The following SDK1 variants were observed in gnomAD, a reference collection of about 807,000 sequenced individuals.
The protein encoded by SDK1 is protein sidekick-1.
Under a neutral mutation model 245.5 loss-of-function variants are expected in SDK1, and 157 were observed. The ratio of observed to expected loss-of-function variants is 0.64; its 90% confidence interval spans 0.56 to 0.73. The LOEUF is 0.73. Among genes scored for constraint, SDK1 ranks in the 30% least tolerant of loss-of-function variants. SDK1 has a pLI of 0.00. For synonymous variants in SDK1, 1,647 were observed against 1,278.5 expected (o/e 1.29, Z -6.15); for missense variants, 3,583 against 3,002.3 (o/e 1.19, Z -4.52).
intron 22 of SDK1, 152 bp downstream of exon 22, chr7:4,079,736 C>T (rs565112046): frequency 9.3e-6 from 10 of 1,074,394 alleles, no homozygotes; most frequent in African/African-American, 1.6e-5. Flanking sequence ...AGCCCAGATA[C>T]CAGGGCAGAA....
chr7:3,340,453 T>TA (rs1020004517), intron 1 of SDK1, among the ~76,000 whole-genome samples: 15 of 152,086 alleles, frequency 9.9e-5, no homozygotes, highest in African/African-American at 1.9e-4. Context: ...CTTCAATTTG[T>TA]AAAAAAACAA....
intron 1 of SDK1, among the ~76,000 whole-genome samples, chr7:3,421,224 A>G (rs1204366232): frequency 6.6e-6 from 1 of 151,584 alleles, no homozygotes; most frequent in African/African-American, 2.4e-5. Context: ...AGTGTGTGCC[A>G]CCACGCCCAG....
rs113548860 is a variant in SDK1, at chr7:3,348,566, C to T, written c.298+46682C>T. Among the ~76,000 whole-genome samples, 1,005 of 152,190 alleles carry T rather than the reference C, an allele frequency of 6.6e-3. 5 individuals carry two copies. The highest frequency in any genetic ancestry group is 9.9e-3 in the Non-Finnish European group (674 of 68,012). ...ACTACTAGAGCGGGAGGGAGGAAGA[C>T]GCAGGGCGGTGAAAACCTACCTGTT... On this transcript the variant is annotated intron_variant, in intron 1 of 44. Transcript: ENST00000404826.
At chr7:3,958,216 C>A (rs565826737) in intron 7 of SDK1, 3 of 295,858 alleles carry the variant, frequency 1.0e-5, no homozygotes, top group South Asian at 8.1e-5. Context: ...AAATCACCAC[C>A]ACCTTAATAC....
intron 2 of SDK1, among the ~76,000 whole-genome samples, chr7:3,635,609 A>T (rs1351632744): frequency 1.3e-5 from 2 of 152,228 alleles, no homozygotes; most frequent in African/African-American, 4.8e-5. Context: ...AATTGTGGAC[A>T]AGTATTACTG....
In SDK1 at chr7:3,685,317, A is replaced by G. The variant is rs116373404; in HGVS notation, c.713+43212A>G. ...CTGGGAGGAAGTAGCAAATTTTTCA[A>G]TCACCAAAAGAAAAGAACTGTGTAC... On this transcript the variant is annotated intron_variant, in intron 4 of 44. Transcript: ENST00000404826. Among the ~76,000 whole-genome samples the G allele has an allele frequency of 1.3e-3, 193 of 152,194 alleles. 1 individual carries two copies. Among genetic ancestry groups the G allele is most frequent in the African/African-American group, 4.3e-3 (180 of 41,464 alleles).
At chr7:3,464,768 TATTTTTC>T (rs1780942089) in intron 1 of SDK1, among the ~76,000 whole-genome samples, 1 of 151,912 alleles carries the variant, frequency 6.6e-6, no homozygotes, top group Non-Finnish European at 1.5e-5. Context: ...AATTTTGACT[TATTTTTC>T]AGTTCAGTTT....
At chr7:4,120,488 G>T (rs1783986856) in intron 25 of SDK1, among the ~76,000 whole-genome samples, 1 of 149,066 alleles carries the variant, frequency 6.7e-6, no homozygotes, top group South Asian at 2.2e-4. Context: ...GCAAATAACT[G>T]CCAACCTCAA....
chr7:3,470,290 C>G (rs1309556244), intron 1 of SDK1, among the ~76,000 whole-genome samples: 1 of 152,140 alleles, frequency 6.6e-6, no homozygotes, highest in East Asian at 1.9e-4. Context: ...TTACTAGGAG[C>G]AAACCTAACA....
intron 1 of SDK1, among the ~76,000 whole-genome samples, chr7:3,465,994 A>G (rs1780988758): frequency 6.6e-6 from 1 of 152,134 alleles, no homozygotes; most frequent in African/African-American, 2.4e-5. Flanking sequence ...AGTGATAAAG[A>G]TGGACATGGA....
intron 1 of SDK1, among the ~76,000 whole-genome samples, chr7:3,447,327 C>G (rs1054307077): frequency 1.3e-5 from 2 of 152,112 alleles, no homozygotes; most frequent in African/African-American, 4.8e-5. Context: ...TGTGTACCAT[C>G]TCTTCTCAAA....
intron 4 of SDK1, among the ~76,000 whole-genome samples, chr7:3,663,163 C>T (rs571130012): frequency 6.6e-6 from 1 of 152,234 alleles, no homozygotes; most frequent in South Asian, 2.1e-4. Flanking sequence ...ATTGTTGAAA[C>T]ATCTGTTACA....
intron 17 of SDK1, among the ~76,000 whole-genome samples, chr7:4,032,788 C>T (rs2880372): frequency 0.24 from 36,789 of 151,818 alleles, 6,244 homozygotes; most frequent in African/African-American, 0.49. Flanking sequence ...CAAACACATA[C>T]GAAGAAAAGT....
intron 34 of SDK1, among the ~76,000 whole-genome samples, chr7:4,177,504 C>T (rs1424926151): frequency 6.6e-6 from 1 of 152,222 alleles, no homozygotes; most frequent in Non-Finnish European, 1.5e-5. Context: ...GTCTCAGAGG[C>T]CTTTGGTTAC....
chr7:3,421,412 C>T (rs1485504495), intron 1 of SDK1, among the ~76,000 whole-genome samples: 1 of 152,084 alleles, frequency 6.6e-6, no homozygotes, highest in African/African-American at 2.4e-5. Flanking sequence ...TTAAATTTAT[C>T]ATTTGTCACT....
intron 1 of SDK1, among the ~76,000 whole-genome samples, chr7:3,618,302 G>A (rs564264070): frequency 2.0e-5 from 3 of 152,156 alleles, no homozygotes; most frequent in East Asian, 3.9e-4. Context: ...CTTCACCCCC[G>A]TCGCTATCCC....
intron 4 of SDK1, among the ~76,000 whole-genome samples, chr7:3,798,682 G>A (rs985638694): frequency 3.9e-5 from 6 of 152,156 alleles, no homozygotes; most frequent in Non-Finnish European, 5.9e-5. Flanking sequence ...GGCTAAGGCG[G>A]TGTCAGCCAG....
At chr7:3,394,082 G>T (rs761992229) in intron 1 of SDK1, among the ~76,000 whole-genome samples, 1 of 151,690 alleles carries the variant, frequency 6.6e-6, no homozygotes. Flanking sequence ...GACTTCTATA[G>T]GTACTGTCTT....
intron 44 of SDK1, among the ~76,000 whole-genome samples, chr7:4,264,731 A>AAGGCCGTGTAGACCTCTCCTGAGTGAGGG (rs547604913): frequency 6.3e-5 from 8 of 126,916 alleles, no homozygotes; most frequent in African/African-American, 1.8e-4. Context: ...TGGGGTAAGG[A>AAGGCCGTGTAGACCTCTCCTGAGTGAGGG]AGGCCGTGTA....
Sources: gnomAD v4.1 joint callset for allele counts (sites outside exome capture counted in the v4.1 genomes callset) on GRCh38, gnomAD v4.1.1 for gene constraint, MANE v1.5 for transcripts, NCBI Gene and HGNC (gene_info 2026-07-23, HGNC 2026-07-21) for gene names.